The following SHC3 variants were observed in gnomAD, a reference collection of about 807,000 sequenced individuals.
SHC3 encodes SHC adaptor protein 3, also known as SHC-transforming protein 3.
SHC3 carries 15 observed loss-of-function variants against 60.4 expected under a neutral mutation model. The ratio of observed to expected loss-of-function variants is 0.25; its 90% confidence interval spans 0.17 to 0.38. The LOEUF (loss-of-function observed/expected upper bound fraction) is 0.38, where lower values mean the gene tolerates loss of function less well. Among genes scored for constraint, SHC3 ranks in the 10% least tolerant of loss-of-function variants. The pLI is 1.00. For synonymous variants in SHC3, 294 were observed against 325.9 expected, an observed-to-expected ratio of 0.90 and a Z score of 1.05; for missense variants, 677 against 786.1, an observed-to-expected ratio of 0.86 and a Z score of 1.66.
At chr9:89,148,186 T>C (rs537294897) in intron 1 of SHC3, among the ~76,000 whole-genome samples, 1 of 152,342 alleles carries the variant, frequency 6.6e-6, no homozygotes, top group South Asian at 2.1e-4. Context: ...ACTTGAACAT[T>C]GTCTGATTGC....
intron 11 of SHC3, among the ~76,000 whole-genome samples, chr9:89,014,360 A>G (rs1166558850): frequency 1.3e-5 from 2 of 152,262 alleles, no homozygotes; most frequent in African/African-American, 4.8e-5. Flanking sequence ...ACACTTGAAA[A>G]AGGTGGAGTG....
At chr9:89,023,125 C>G (rs1826233343) in intron 11 of SHC3, among the ~76,000 whole-genome samples, 1 of 152,216 alleles carries the variant, frequency 6.6e-6, no homozygotes, top group African/African-American at 2.4e-5. Context: ...GAAGCGAACA[C>G]TCAGGGAGAG....
rs769037883 is a variant in SHC3 at position 89,017,173 on chromosome 9, A to G, written c.1657-3598T>C. 3.7e-4 allele frequency among the ~76,000 whole-genome samples: 57 copies of G among 152,214 alleles called. 1 individual carries two copies. The highest frequency in any genetic ancestry group is 6.6e-4 in the Non-Finnish European group (45 of 68,036). Reference sequence around the variant, plus strand: ...TTTAAATTTCATATGGAACCAAAAAAGAGCCCACATAGCCAAGACAATTGT... The same window carrying G: ...TTTAAATTTCATATGGAACCAAAAAGGAGCCCACATAGCCAAGACAATTGT... On this transcript the variant is annotated intron_variant, in intron 11 of 11. Coordinates refer to ENST00000375835, the MANE Select transcript of SHC3 (RefSeq NM_016848.6).
intron 2 of SHC3, among the ~76,000 whole-genome samples, chr9:89,098,230 G>A (rs1399366350): frequency 6.6e-6 from 1 of 152,246 alleles, no homozygotes; most frequent in Non-Finnish European, 1.5e-5. Flanking sequence ...AACTATTCCA[G>A]ATTCAAGGAA....
At position 89,013,551 on chromosome 9, in the gene SHC3, CA is replaced by C; in HGVS notation, c.1680del (p.Phe560LeufsTer12). 3 of 1,613,926 alleles carry C rather than the reference CA, an allele frequency of 1.9e-6. No individual in the cohort carries two copies. The highest frequency in any genetic ancestry group is 2.5e-6 in the Non-Finnish European group (3 of 1,179,920). ...EGTIRTKDRV[F>X]DSISHLINHH... ...TGGTTGATGAGGTGGCTGATACTGT[CA>C]AAGACTCTGTCCTTTGTCCGGATCT... On this transcript the variant is annotated frameshift_variant, in exon 12 of 12. Coordinates refer to ENST00000375835, the MANE Select transcript of SHC3 (RefSeq NM_016848.6). LOFTEE classifies it high-confidence loss of function.
rs749658771 is a variant in SHC3, at chr9:89,077,954, G to A, written c.546-51C>T. The A allele has an allele frequency of 5.6e-6, 9 of 1,598,008 alleles. No homozygotes were observed. The East Asian group carries it at 2.0e-4, about 36-fold the overall frequency. ...TTATTACGTGTCAGTCGGGATTATG[G>A]AACCCAGAGATGCTACACTTGCACA... On this transcript the variant is annotated intron_variant, in intron 2 of 11. Transcript: ENST00000375835.
intron 1 of SHC3, among the ~76,000 whole-genome samples, chr9:89,145,816 C>T (rs866723238): frequency 7.9e-5 from 12 of 152,166 alleles, no homozygotes; most frequent in Middle Eastern, 6.8e-3. Context: ...TAAGAAAGAA[C>T]GAGACAACAA....
intron 6 of SHC3, among the ~76,000 whole-genome samples, chr9:89,058,599 T>C (rs1432804263): frequency 6.9e-6 from 1 of 145,808 alleles, no homozygotes; most frequent in Non-Finnish European, 1.5e-5. Context: ...AGGATGGTGG[T>C]GTTAGGACGT....
At position 89,159,839 on chromosome 9, in the gene SHC3, C is replaced by T. The variant is rs576675651; in HGVS notation, c.474+18148G>A. Among the ~76,000 whole-genome samples, 12 of 152,298 alleles carry T rather than the reference C, an allele frequency of 7.9e-5. No homozygotes were observed. The South Asian group carries it at 2.5e-3, about 32-fold the overall frequency. On this transcript the variant is annotated intron_variant, in intron 1 of 11. Transcript: ENST00000375835. ...TGGCAGCTGATTAGATGGTGCCCACCCAGATTAAGGTCTGCCTTTCCCAGC... is the reference window on the plus strand; with the variant it reads ...TGGCAGCTGATTAGATGGTGCCCACTCAGATTAAGGTCTGCCTTTCCCAGC...
At chr9:89,159,236 T>C (rs371688672) in intron 1 of SHC3, among the ~76,000 whole-genome samples, 1 of 152,216 alleles carries the variant, frequency 6.6e-6, no homozygotes, top group Non-Finnish European at 1.5e-5. Flanking sequence ...ATTCTTAGGA[T>C]AGGACAAAAC....
intron 11 of SHC3, among the ~76,000 whole-genome samples, chr9:89,028,783 TAGAG>T (rs1454548547): frequency 6.8e-6 from 1 of 146,174 alleles, no homozygotes; most frequent in Non-Finnish European, 1.5e-5. Context: ...TATATAGATA[TAGAG>T]AGATATAGAG....
intron 1 of SHC3, among the ~76,000 whole-genome samples, chr9:89,121,160 G>A (rs1337709227): frequency 5.3e-5 from 8 of 151,992 alleles, no homozygotes; most frequent in African/African-American, 1.9e-4. Flanking sequence ...CTATTGTGAT[G>A]GACAACCTAA....
intron 11 of SHC3, among the ~76,000 whole-genome samples, chr9:89,035,140 C>T (rs748323275): frequency 3.2e-4 from 49 of 152,220 alleles, no homozygotes; most frequent in South Asian, 2.1e-4. Flanking sequence ...GCAACCTCCA[C>T]GATTGCGATG....
chr9:89,097,015 A>ACAC (rs1272971633), intron 2 of SHC3, among the ~76,000 whole-genome samples: 1 of 150,850 alleles, frequency 6.6e-6, no homozygotes, highest in Non-Finnish European at 1.5e-5. Flanking sequence ...GGCGCTGCAG[A>ACAC]CACCAGGTCA....
At chr9:89,106,175 G>C (rs1476717773) in intron 2 of SHC3, among the ~76,000 whole-genome samples, 1 of 152,130 alleles carries the variant, frequency 6.6e-6, no homozygotes, top group Non-Finnish European at 1.5e-5. Context: ...GTGTGGGCTG[G>C]TACCCAGGAA....
intron 1 of SHC3, among the ~76,000 whole-genome samples, chr9:89,148,215 T>C (rs370725766): frequency 6.8e-4 from 104 of 152,352 alleles, no homozygotes; most frequent in African/African-American, 2.4e-3. Context: ...GAAATCAGTC[T>C]GGAATTTCGA....
chr9:89,116,090 C>T (rs544719142), intron 1 of SHC3, among the ~76,000 whole-genome samples: 6 of 152,198 alleles, frequency 3.9e-5, no homozygotes, highest in South Asian at 4.1e-4. Flanking sequence ...TGCAAAATTA[C>T]GTGATACTGT....
At chr9:89,072,674 C>G (rs1204738289) in intron 4 of SHC3, among the ~76,000 whole-genome samples, 2 of 152,088 alleles carry the variant, frequency 1.3e-5, no homozygotes, top group Non-Finnish European at 2.9e-5. Context: ...CTAATTTTAT[C>G]TTTTTAAAGA....
At chr9:89,027,567 A>C (rs28673331) in intron 11 of SHC3, among the ~76,000 whole-genome samples, 57,942 of 148,726 alleles carry the variant, frequency 0.39, 12,948 homozygotes, top group East Asian at 0.97. Context: ...CCGCCCGCCT[A>C]GGCCTCCCAA....
Sources: gnomAD v4.1 joint callset for allele counts (sites outside exome capture counted in the v4.1 genomes callset) on GRCh38, gnomAD v4.1.1 for gene constraint, MANE v1.5 for transcripts, NCBI Gene and HGNC (gene_info 2026-07-23, HGNC 2026-07-21) for gene names.